Variants in TEKT4 observed in about 807,000 individuals in gnomAD.
The protein encoded by TEKT4 is tektin-4.
A neutral mutation model predicts 46.0 loss-of-function variants in TEKT4; 46 were observed. The observed-to-expected ratio is 1.00, with a 90% confidence interval of 0.79 to 1.28. TEKT4 has a LOEUF of 1.28. Among genes scored for constraint, TEKT4 ranks in the 50% most tolerant of loss-of-function variants. The pLI is 0.00. For missense variants in TEKT4, 790 were observed against 622.9 expected, an observed-to-expected ratio of 1.27 and a Z score of -2.85; for synonymous variants, 325 against 265.8, an observed-to-expected ratio of 1.22 and a Z score of -2.17.
chr2:94,871,771 G>A lies in TEKT4; in HGVS notation c.192G>A (p.Arg64=). The A allele has an allele frequency of 1.2e-6, 2 of 1,612,310 alleles. No homozygotes were observed. The highest frequency in any genetic ancestry group is 1.7e-5 in the Admixed American group (1 of 60,000). ...TCGCCGACCGCGACCAGTCGGAGCGGCAGCGGCACGAGAGCCAGCAGCTGG... is the reference window on the plus strand; with the variant it reads ...TCGCCGACCGCGACCAGTCGGAGCGACAGCGGCACGAGAGCCAGCAGCTGG... ...QAFADRDQSE[R]QRHESQQLAT... The change falls in exon 1 of 6, where the codon CGG becomes CGA. Residue 64 remains arginine, a synonymous_variant. Coordinates refer to ENST00000295201, the MANE Select transcript of TEKT4 (RefSeq NM_144705.4).
chr2:94,873,973 G>A lies in TEKT4; in HGVS notation c.578G>A (p.Arg193Gln), dbSNP rs782484523. Residue 193 changes from arginine (R) to glutamine (Q), a missense_variant, in exon 3 of 6, where the codon CGG (arginine) becomes CAG (glutamine). Coordinates refer to ENST00000295201, the MANE Select transcript of TEKT4 (RefSeq NM_144705.4). Reference sequence around the variant, plus strand: ...GCCCCACCCCGCCCCAGACTGAACCGGGAGCACAAGGAGACCTGCGAGATG... The same window carrying A: ...GCCCCACCCCGCCCCAGACTGAACCAGGAGCACAAGGAGACCTGCGAGATG... ...MQAVSQIRLN[R>Q]EHKETCEMDW... 1.8e-5 allele frequency: 28 copies of A among 1,563,512 alleles called. No homozygotes were observed. Among genetic ancestry groups the A allele is most frequent in the South Asian group, 5.5e-5 (5 of 90,524 alleles).
intron 5 of TEKT4, among the ~76,000 whole-genome samples, chr2:94,876,094 G>A (rs1354388783): frequency 1.3e-5 from 2 of 152,210 alleles, no homozygotes; most frequent in Non-Finnish European, 2.9e-5. Flanking sequence ...CTGCTGCCCT[G>A]AGCGTGCTGT....
At chr2:94,876,049 G>A (rs1553396433) in intron 5 of TEKT4, among the ~76,000 whole-genome samples, 1 of 152,296 alleles carries the variant, frequency 6.6e-6, no homozygotes, top group East Asian at 1.9e-4. Flanking sequence ...GCTCCAGGAG[G>A]CCACAGAGCC....
At chr2:94,876,340 CG>C (rs1558609827) in intron 5 of TEKT4, among the ~76,000 whole-genome samples, 1 of 152,288 alleles carries the variant, frequency 6.6e-6, no homozygotes. Context: ...AGATTGCACA[CG>C]GGTCACTCAT....
chr2:94,872,854 C>T (rs1553395066), intron 1 of TEKT4: 2 of 1,289,378 alleles, frequency 1.6e-6, no homozygotes, highest in East Asian at 5.6e-5. Flanking sequence ...CTCAAGAACT[C>T]CTGCAGCTCC....
In TEKT4 at chr2:94,873,550, C is replaced by CTCAATCGGT; in HGVS notation, c.530_531insCAATCGGTT (p.Leu177_Leu178insAsnArgLeu). 1 of 1,612,780 alleles carries CTCAATCGGT rather than the reference C, an allele frequency of 6.2e-7. No individual in the cohort carries two copies. The highest frequency in any genetic ancestry group is 1.1e-5 in the South Asian group (1 of 91,020). The stretch of plus-strand genomic sequence containing the variant: ...CGAGCTCATCCGGAACATTCAGGAG[C>CTCAATCGGT]TGCTGAAGAGAACCATCATGCAAGC... On this transcript the variant is annotated inframe_insertion, in exon 2 of 6. Transcript: ENST00000295201.
chr2:94,875,717 C>G lies in TEKT4; in HGVS notation c.1066C>G (p.Leu356Val). 1.2e-6 allele frequency: 2 copies of G among 1,614,110 alleles called. No individual in the cohort carries two copies. The highest frequency in any genetic ancestry group is 1.7e-6 in the Non-Finnish European group (2 of 1,179,968). ...YLRSHRPNMELCRDAAQFRLL... is the reference protein window; with the variant it reads ...YLRSHRPNMEVCRDAAQFRLL... ...GCGCTCGCACCGGCCCAACATGGAG[C>G]TGTGCCGTGACGCAGCCCAGTTCAG... The change falls in exon 5 of 6, where the codon CTG (leucine) becomes GTG (valine). Residue 356 changes from leucine to valine, a missense_variant. Coordinates refer to ENST00000295201, the MANE Select transcript of TEKT4 (RefSeq NM_144705.4).
chr2:94,872,989 G>C, intron 1 of TEKT4: 1 of 1,289,506 alleles, frequency 7.8e-7, no homozygotes, highest in Non-Finnish European at 1.0e-6. Flanking sequence ...GAAGTACCCA[G>C]TGGTTGAGGC....
At position 94,871,897 on chromosome 2, in the gene TEKT4, G is replaced by A. The variant is rs782285518; in HGVS notation, c.318G>A (p.Gln106=). The part of the protein sequence containing the change: ...QDTHSWKSEL[Q]REMEALAAET... ...CGCACAGCTGGAAGTCGGAGCTGCA[G>A]CGTGAGATGGAGGCGCTGGCTGCGG... The change falls in exon 1 of 6, where the codon CAG becomes CAA. Residue 106 remains glutamine (Q), a synonymous_variant. Transcript: ENST00000295201. 1.3e-6 allele frequency: 2 copies of A among 1,597,684 alleles called. No homozygotes were observed. Among genetic ancestry groups the A allele is most frequent in the African/African-American group, 1.3e-5 (1 of 74,824 alleles).
intron 3 of TEKT4, 144 bp downstream of exon 3, chr2:94,874,252 T>C: frequency 1.1e-6 from 1 of 874,880 alleles, no homozygotes; most frequent in Admixed American, 2.8e-5. Flanking sequence ...GCCCCTGGCA[T>C]GAGCAAGCGA....
At chr2:94,874,628 T>TG in intron 3 of TEKT4, 148 bp from the exon 4 acceptor site, 1 of 741,980 alleles carries the variant, frequency 1.3e-6, no homozygotes, top group Non-Finnish European at 2.1e-6. Context: ...CCTGAGGGAC[T>TG]GGGCTTTGTG....
In TEKT4 at chr2:94,873,981, A is replaced by G. The variant is rs1553395525; in HGVS notation, c.586A>G (p.Lys196Glu). The part of the protein sequence containing the change: ...VSQIRLNREH[K>E]ETCEMDWSDK... ...CCGCCCCAGACTGAACCGGGAGCAC[A>G]AGGAGACCTGCGAGATGGACTGGTC... Residue 196 changes from lysine (K) to glutamate (E), a missense_variant, in exon 3 of 6, where the codon AAG becomes GAG. Lys to Glu is a moderately conservative substitution (Grantham distance 56). Transcript: ENST00000295201. 8 of 1,608,916 alleles carry G rather than the reference A, an allele frequency of 5.0e-6. No individual in the cohort carries two copies. The highest frequency in any genetic ancestry group is 2.3e-5 in the East Asian group (1 of 44,436).
intron 2 of TEKT4, among the ~76,000 whole-genome samples, 167 bp from the exon 3 acceptor site, chr2:94,873,798 A>T (rs1353689557): frequency 2.6e-5 from 4 of 152,146 alleles, no homozygotes; most frequent in Admixed American, 1.3e-4. Flanking sequence ...GCAGCCTCCC[A>T]GCCTGGGCCG....
intron 4 of TEKT4, 148 bp from the exon 5 acceptor site, chr2:94,875,440 G>C: frequency 8.1e-7 from 1 of 1,229,020 alleles, no homozygotes; most frequent in Non-Finnish European, 1.1e-6. Flanking sequence ...CGTGCACATT[G>C]TTCCCCTCAT....
At chr2:94,876,818 G>GCTTTCTGCA (rs782360700) in exon 6 of TEKT4, 1 of 1,510,948 alleles carries the variant, frequency 6.6e-7, no homozygotes, top group South Asian at 1.2e-5. Context: ...CAGCGCGTTA[G>GCTTTCTGCA]CTTTCTGCAC....
rs180806224 is a variant in TEKT4 at position 94,872,953 on chromosome 2, G to A, written c.499-567G>A. On this transcript the variant is annotated intron_variant, in intron 1 of 5. Transcript: ENST00000295201. ...GAGGCAAACCCAGGGATAGAGGGGC[G>A]CAGGACCCGGGCCCTGGCACACAAG... The A allele has an allele frequency of 2.6e-5, 33 of 1,289,444 alleles. 1 individual carries two copies. In the East Asian group the frequency reaches 6.7e-4, roughly 26 times the overall value. The allele number at this position is 1,289,444 out of a possible 1,614,324, so 79.9% of individuals were successfully genotyped here.
chr2:94,875,610 A>T lies in TEKT4; in HGVS notation c.959A>T (p.Gln320Leu), dbSNP rs1553396228. The T allele has an allele frequency of 6.2e-7, 1 of 1,614,170 alleles. No homozygotes were observed. Among genetic ancestry groups the T allele is most frequent in the East Asian group, 2.2e-5 (1 of 44,864 alleles). ...LHKTLREITD[Q>L]EHNVAALKQA... ...CAGACACTGCGGGAAATCACAGATC[A>T]GGAACACAACGTGGCGGCACTGAAG... The change falls in exon 5 of 6, where the codon CAG (glutamine) becomes CTG (leucine). Residue 320 changes from glutamine to leucine, a missense_variant. Transcript: ENST00000295201.
Position 94,874,047 on chromosome 2 carries a change from C to A in TEKT4, c.652C>A (p.Arg218Ser), listed in dbSNP as rs140412085. ...CTACAACATCGACGAGACCTGCGGG[C>A]GCCACCACAGCCAGAGCACCGAGGT... ...EAYNIDETCGRHHSQSTEVQA... is the reference protein window; with the variant it reads ...EAYNIDETCGSHHSQSTEVQA... Residue 218 changes from arginine (R) to serine (S), a missense_variant, in exon 3 of 6, where the codon CGC (arginine) becomes AGC (serine). Coordinates refer to ENST00000295201, the MANE Select transcript of TEKT4 (RefSeq NM_144705.4). 6.2e-7 allele frequency: 1 copy of A among 1,613,614 alleles called. No homozygotes were observed. Among genetic ancestry groups the A allele is most frequent in the Non-Finnish European group, 8.5e-7 (1 of 1,179,978 alleles).
At chr2:94,873,252 C>A in intron 1 of TEKT4, 1 of 1,332,876 alleles carries the variant, frequency 7.5e-7, no homozygotes, top group South Asian at 1.5e-5. Context: ...ACTCCTGAAG[C>A]CTGGGGCGTG....
Sources: allele counts gnomAD v4.1 joint callset (sites outside exome capture counted in the v4.1 genomes callset), GRCh38; gene constraint gnomAD v4.1.1; transcripts MANE v1.5; gene names NCBI Gene and HGNC (gene_info 2026-07-23, HGNC 2026-07-21).